Variants in AGBL1 observed in about 807,000 individuals in gnomAD.
AGBL1 encodes the protein AGBL carboxypeptidase 1.
AGBL1 carries 130 observed loss-of-function variants against 118.9 expected under a neutral mutation model. The ratio of observed to expected loss-of-function variants is 1.09; its 90% CI spans 0.95 to 1.26. AGBL1 has a LOEUF of 1.26. AGBL1 is among the 50% of genes most tolerant of loss of function. AGBL1 has a pLI of 0.00. For synonymous variants in AGBL1, 555 were observed against 478.9 expected (o/e 1.16, Z -2.08); for missense variants, 1,584 against 1,298.1 (o/e 1.22, Z -3.38).
chr15:86,786,049 T>G (rs1393685489), intron 22 of AGBL1, among the ~76,000 whole-genome samples: 1 of 152,194 alleles, frequency 6.6e-6, no homozygotes, highest in Admixed American at 6.5e-5. Context: ...GGATTTGGCT[T>G]CTTTTCAGAG....
rs975566944 is a variant in AGBL1 at position 86,424,759 on chromosome 15, T to C, written c.2555+27213T>C. 5.3e-5 allele frequency among the ~76,000 whole-genome samples: 8 copies of C among 152,290 alleles called. No homozygotes were observed. In the East Asian group the frequency reaches 5.8e-4, roughly 11 times the overall value. ...TGAATAGAAATTTTTCAAAGGAAGA[T>C]ATTTATGTGGCCAACAAACATATGA... On this transcript the variant is annotated intron_variant, in intron 18 of 22. Transcript: ENST00000614907.
At chr15:86,116,906 A>G (rs1031156467) in intron 1 of AGBL1, among the ~76,000 whole-genome samples, 2 of 151,962 alleles carry the variant, frequency 1.3e-5, no homozygotes, top group South Asian at 4.2e-4. Flanking sequence ...TTGGTAACCA[A>G]GCATCTTTCT....
intron 17 of AGBL1, among the ~76,000 whole-genome samples, chr15:86,306,448 A>G (rs879698368): frequency 6.6e-6 from 1 of 152,196 alleles, no homozygotes; most frequent in Non-Finnish European, 1.5e-5. Context: ...TTCATGTAAC[A>G]TAATGATCTC....
At chr15:86,552,738 A>G (rs1472501079) in intron 20 of AGBL1, among the ~76,000 whole-genome samples, 8 of 152,188 alleles carry the variant, frequency 5.3e-5, no homozygotes, top group Admixed American at 2.6e-4. Context: ...TTGAAGGAAC[A>G]AATAGATGGA....
At chr15:86,871,157 T>C (rs947509897) in intron 22 of AGBL1, among the ~76,000 whole-genome samples, 5 of 152,198 alleles carry the variant, frequency 3.3e-5, no homozygotes, top group Admixed American at 3.3e-4. Flanking sequence ...TCATTTTGCT[T>C]CCTTTCTTCC....
intron 22 of AGBL1, among the ~76,000 whole-genome samples, chr15:86,727,246 C>T (rs1220513866): frequency 6.6e-6 from 1 of 152,090 alleles, no homozygotes; most frequent in African/African-American, 2.4e-5. Context: ...GGACCTTCCA[C>T]ACCACAAAGG....
In AGBL1 at chr15:86,409,531, G is replaced by C. The variant is rs116233015; in HGVS notation, c.2555+11985G>C. On this transcript the variant is annotated intron_variant, in intron 18 of 22. Coordinates refer to ENST00000614907, the MANE Select transcript of AGBL1 (RefSeq NM_001386094.1). The stretch of plus-strand genomic sequence containing the variant: ...ACTCCATTTGCCTTCCTCAGACATT[G>C]CCATTTTGAATAAATATTACTATTT... Among the ~76,000 whole-genome samples the C allele has an allele frequency of 9.4e-3, 1,436 of 152,136 alleles. 30 individuals carry two copies. Among genetic ancestry groups the C allele is most frequent in the African/African-American group, 0.033 (1,352 of 41,502 alleles).
intron 23 of AGBL1, among the ~76,000 whole-genome samples, chr15:86,947,672 G>C (rs560193000): frequency 6.6e-6 from 1 of 152,156 alleles, no homozygotes; most frequent in South Asian, 2.1e-4. Flanking sequence ...AAAGATATAG[G>C]CATTGAGTGA....
chr15:86,820,576 A>T (rs574042168), intron 22 of AGBL1, among the ~76,000 whole-genome samples: 1 of 152,248 alleles, frequency 6.6e-6, no homozygotes, highest in Admixed American at 6.5e-5. Flanking sequence ...AACATATGAA[A>T]AAAAGCTCAT....
chr15:86,737,033 T>C (rs2077611801), intron 22 of AGBL1, among the ~76,000 whole-genome samples: 1 of 152,234 alleles, frequency 6.6e-6, no homozygotes, highest in Non-Finnish European at 1.5e-5. Flanking sequence ...GGCATTTATA[T>C]GCCCTGTACT....
intron 22 of AGBL1, among the ~76,000 whole-genome samples, chr15:86,823,113 G>A (rs961921182): frequency 2.6e-5 from 4 of 152,082 alleles, no homozygotes; most frequent in African/African-American, 4.8e-5. Context: ...GTCATGTAAT[G>A]AAACCTGGAG....
intron 24 of AGBL1, among the ~76,000 whole-genome samples, chr15:87,023,877 G>C (rs958152959): frequency 6.6e-6 from 1 of 151,986 alleles, no homozygotes; most frequent in Non-Finnish European, 1.5e-5. Flanking sequence ...ACCTGCTTCT[G>C]AATGATCATT....
At position 86,229,733 on chromosome 15, in the gene AGBL1, C is replaced by A. The variant is rs553680584; in HGVS notation, c.526+4782C>A. Among the ~76,000 whole-genome samples the A allele has an allele frequency of 9.2e-5, 14 of 152,216 alleles. No homozygotes were observed. In the South Asian group the frequency reaches 2.9e-3, roughly 32 times the overall value. On this transcript the variant is annotated intron_variant, in intron 6 of 22. Transcript: ENST00000614907. The stretch of plus-strand genomic sequence containing the variant: ...TAAATGCATTTTTGAAAAATTGTGA[C>A]CCTGGAAGCGGCACTTGAGTAAGTG...
At chr15:86,733,412 C>A (rs1200405167) in intron 22 of AGBL1, among the ~76,000 whole-genome samples, 1 of 152,132 alleles carries the variant, frequency 6.6e-6, no homozygotes, top group Admixed American at 6.5e-5. Context: ...CATTCAAATG[C>A]TGTTCTCATC....
intron 15 of AGBL1, among the ~76,000 whole-genome samples, chr15:86,277,013 G>T (rs2079263375): frequency 6.6e-6 from 1 of 152,210 alleles, no homozygotes; most frequent in South Asian, 2.1e-4. Context: ...CCTGCTACAA[G>T]GTGGCTGCCA....
At chr15:86,359,927 TA>T (rs1021468908) in intron 17 of AGBL1, among the ~76,000 whole-genome samples, 14 of 152,042 alleles carry the variant, frequency 9.2e-5, no homozygotes, top group Non-Finnish European at 1.8e-4. Flanking sequence ...CTATTGGTAC[TA>T]AAAGGTTTTT....
intron 22 of AGBL1, among the ~76,000 whole-genome samples, chr15:86,712,687 A>T (rs2086579551): frequency 6.6e-6 from 1 of 152,210 alleles, no homozygotes; most frequent in Non-Finnish European, 1.5e-5. Flanking sequence ...CTATTCTATT[A>T]GTCCTGGGAT....
chr15:86,795,247 G>A (rs973008041), intron 22 of AGBL1, among the ~76,000 whole-genome samples: 1 of 152,198 alleles, frequency 6.6e-6, no homozygotes, highest in Non-Finnish European at 1.5e-5. Context: ...GTGAAAGGGA[G>A]ACATGGGGAT....
downstream of AGBL1, among the ~76,000 whole-genome samples, chr15:86,918,458 TC>T (rs778999060): frequency 6.6e-6 from 1 of 152,060 alleles, no homozygotes; most frequent in Non-Finnish European, 1.5e-5. Flanking sequence ...CTTCACACTT[TC>T]TTCTTCAAAT....
Sources: allele counts gnomAD v4.1 joint callset (sites outside exome capture counted in the v4.1 genomes callset), GRCh38; gene constraint gnomAD v4.1.1; transcripts MANE v1.5; gene names NCBI Gene and HGNC (gene_info 2026-07-23, HGNC 2026-07-21).